The following INSR variants were observed in gnomAD, a reference collection of about 807,000 sequenced individuals.
The protein encoded by INSR is IR.
Under a neutral mutation model 142.6 loss-of-function variants are expected in INSR, and 67 were observed. The observed-to-expected ratio is 0.47, with a 90% CI of 0.39 to 0.58. INSR has a LOEUF of 0.58. INSR is among the 20% of genes least tolerant of loss of function. INSR has a pLI of 0.00. For missense variants in INSR, 1,248 were observed against 1,833.2 expected (o/e 0.68, Z 5.83); for synonymous variants, 756 against 743.1 (o/e 1.02, Z -0.28).
rs139089618 is a variant in INSR, at chr19:7,186,079, C to A, written c.653-1442G>T. ...GGTGTGGTGGTGGGCGTCTGTAATC[C>A]CAGCTACTCAGGAGGCTGAGGCAGG... On this transcript the variant is annotated intron_variant, in intron 2 of 21. Transcript: ENST00000302850. Among the ~76,000 whole-genome samples, 910 of 151,932 alleles carry A rather than the reference C, an allele frequency of 6.0e-3. 13 individuals are homozygous for A. The highest frequency in any genetic ancestry group is 0.021 in the African/African-American group (860 of 41,432).
intron 1 of INSR, among the ~76,000 whole-genome samples, chr19:7,273,421 A>G (rs79485287): frequency 0.19 from 29,470 of 152,048 alleles, 2,918 homozygotes; most frequent in East Asian, 0.23. Flanking sequence ...CAAGTTCTTC[A>G]TAATGGGTAC....
intron 9 of INSR, among the ~76,000 whole-genome samples, chr19:7,162,632 C>T (rs112747118): frequency 0.13 from 20,212 of 151,702 alleles, 1,429 homozygotes; most frequent in Non-Finnish European, 0.16. Flanking sequence ...ACCAGGCTGA[C>T]CAACATGGAG....
At chr19:7,291,127 G>T (rs1600138420) in intron 1 of INSR, among the ~76,000 whole-genome samples, 1 of 151,668 alleles carries the variant, frequency 6.6e-6, no homozygotes, top group African/African-American at 2.4e-5. Context: ...AAAGTTCTTT[G>T]CCCCTCCCCA....
intron 2 of INSR, among the ~76,000 whole-genome samples, chr19:7,253,111 CA>C (rs534566042): frequency 5.6e-4 from 77 of 136,728 alleles, no homozygotes; most frequent in Non-Finnish European, 4.7e-4. Flanking sequence ...GAGACTCCGC[CA>C]AAAAAAAAAA....
At position 7,125,706 on chromosome 19, in the gene INSR, G is replaced by T. The variant is rs1265548386; in HGVS notation, c.3014-179C>A. Among the ~76,000 whole-genome samples the T allele has an allele frequency of 6.6e-6, 1 of 152,144 alleles. No individual in the cohort carries two copies. Among genetic ancestry groups the T allele is most frequent in the East Asian group, 1.9e-4 (1 of 5,176 alleles). ...GAACAGGACAGGCATCTGCACCCAT[G>T]GAGAGGGCATGGCAGAGACTCAAGG... is the stretch of plus-strand genomic sequence containing the variant. On this transcript the variant is annotated intron_variant, in intron 16 of 21. Transcript: ENST00000302850. The surrounding 1 kb of genome is among the most constrained non-coding windows in gnomAD (Gnocchi z 4.9).
chr19:7,157,138 G>A (rs112482289), intron 9 of INSR, among the ~76,000 whole-genome samples: 6,511 of 152,242 alleles, frequency 0.043, 303 homozygotes, highest in African/African-American at 0.12. Context: ...GCACCACCAT[G>A]CCCGGCTAAT....
intron 1 of INSR, among the ~76,000 whole-genome samples, chr19:7,275,944 T>C (rs1458995968): frequency 1.3e-5 from 2 of 152,098 alleles, no homozygotes; most frequent in African/African-American, 4.8e-5. Flanking sequence ...CTGAGAATTT[T>C]CCAGAAGGAG....
chr19:7,206,019 G>C (rs921058718), intron 2 of INSR, among the ~76,000 whole-genome samples: 5 of 152,162 alleles, frequency 3.3e-5, no homozygotes, highest in African/African-American at 1.2e-4. Flanking sequence ...TCTGCTTTCT[G>C]TGCCTCGGTT....
In INSR at chr19:7,197,858, G is replaced by A. The variant is rs143969110; in HGVS notation, c.653-13221C>T. On this transcript the variant is annotated intron_variant, in intron 2 of 21. Coordinates refer to ENST00000302850, the MANE Select transcript of INSR (RefSeq NM_000208.4). Reference sequence around the variant, plus strand: ...AACGAGAGAGAGAGAGAGAGAACGAGAGAGAGTGTGTGCGCGTGTGTGTCT... The same window carrying A: ...AACGAGAGAGAGAGAGAGAGAACGAAAGAGAGTGTGTGCGCGTGTGTGTCT... Among the ~76,000 whole-genome samples the A allele has an allele frequency of 4.8e-3, 706 of 147,102 alleles. 77 individuals carry two copies. Among genetic ancestry groups the A allele is most frequent in the Non-Finnish European group, 8.1e-3 (539 of 66,556 alleles).
Position 7,166,444 on chromosome 19 carries a change from G to C in INSR, c.1611-40C>G. 2 of 1,608,814 alleles carry C rather than the reference G, an allele frequency of 1.2e-6. No individual in the cohort carries two copies. The highest frequency in any genetic ancestry group is 8.5e-7 in the Non-Finnish European group (1 of 1,178,526). ...CAGCAGAAGGCAGTTACCCTTACAA[G>C]ACCGTCACACTGAGTGCCGTGCAGA... On this transcript the variant is annotated intron_variant, in intron 7 of 21. Coordinates refer to ENST00000302850, the MANE Select transcript of INSR (RefSeq NM_000208.4). This position sits in a 1 kb window ranked among gnomAD's most constrained non-coding sequence, Gnocchi z 4.1.
At chr19:7,196,750 A>G (rs528524070) in intron 2 of INSR, among the ~76,000 whole-genome samples, 1 of 139,034 alleles carries the variant, frequency 7.2e-6, no homozygotes, top group African/African-American at 2.8e-5. Flanking sequence ...AAAAAAACTT[A>G]AAAAAAAAAA....
chr19:7,195,637 G>A (rs1275333356), intron 2 of INSR, among the ~76,000 whole-genome samples: 5 of 149,378 alleles, frequency 3.3e-5, no homozygotes, highest in East Asian at 1.9e-4. Flanking sequence ...GTAAGACTCC[G>A]CCTCAAAAAA....
chr19:7,156,170 C>A lies in INSR; in HGVS notation c.2030-3243G>T, dbSNP rs765231313. Among the ~76,000 whole-genome samples the A allele has an allele frequency of 2.1e-5, 3 of 145,804 alleles. No homozygotes were observed. The Admixed American group carries it at 2.1e-4, about 10-fold the overall frequency. On this transcript the variant is annotated intron_variant, in intron 9 of 21. Coordinates refer to ENST00000302850, the MANE Select transcript of INSR (RefSeq NM_000208.4). ...CCGCCTCCTGGATTCAAGTGAGTCT[C>A]CTGCCTCAGCCTCTCAAGTAGCTGG...
intron 2 of INSR, among the ~76,000 whole-genome samples, chr19:7,191,231 G>A (rs961026514): frequency 1.3e-5 from 2 of 151,924 alleles, no homozygotes; most frequent in Non-Finnish European, 2.9e-5. Context: ...CGGGAGGCGG[G>A]GGTTGCAGTG....
chr19:7,210,698 A>AAT (rs1292205098), intron 2 of INSR, among the ~76,000 whole-genome samples: 1 of 152,012 alleles, frequency 6.6e-6, no homozygotes, highest in Non-Finnish European at 1.5e-5. Context: ...TATATATATA[A>AAT]ATATATATGT....
chr19:7,143,893 A>G (rs1006054109), intron 11 of INSR, among the ~76,000 whole-genome samples: 9 of 152,110 alleles, frequency 5.9e-5, no homozygotes, highest in Non-Finnish European at 1.3e-4. Context: ...CGTCTCTACT[A>G]AAAATACAAA....
intron 13 of INSR, among the ~76,000 whole-genome samples, chr19:7,137,267 TAAAA>T (rs11299975): frequency 6.9e-6 from 1 of 145,658 alleles, no homozygotes; most frequent in South Asian, 2.2e-4. Flanking sequence ...GTTTCTAAAT[TAAAA>T]AAAAAAAAAA....
At chr19:7,149,451 C>G (rs916359968) in intron 11 of INSR, among the ~76,000 whole-genome samples, 2 of 152,204 alleles carry the variant, frequency 1.3e-5, no homozygotes, top group African/African-American at 4.8e-5. Flanking sequence ...CATCTCCTTG[C>G]CTTTCTCCCA....
intron 2 of INSR, among the ~76,000 whole-genome samples, chr19:7,230,481 T>TCTAGCTCATAGCATGACA (rs1362206766): frequency 3.9e-5 from 6 of 152,126 alleles, no homozygotes; most frequent in African/African-American, 1.2e-4. Flanking sequence ...ACACCAAGTG[T>TCTAGCTCATAGCATGACA]CTAGCTCATA....
Sources: allele counts gnomAD v4.1 joint callset (sites outside exome capture counted in the v4.1 genomes callset), GRCh38; gene constraint gnomAD v4.1.1; non-coding constraint Gnocchi (gnomAD v3.1); transcripts MANE v1.5; gene names NCBI Gene and HGNC (gene_info 2026-07-23, HGNC 2026-07-21).